Variants in TRIO observed in about 807,000 individuals in gnomAD.
TRIO encodes the protein triple functional domain protein.
A neutral mutation model predicts 351.9 loss-of-function variants in TRIO; 58 were observed. The ratio of observed to expected loss-of-function variants is 0.16; its 90% CI spans 0.13 to 0.21. The LOEUF (loss-of-function observed/expected upper bound fraction) is 0.21, where lower values mean the gene tolerates loss of function less well. TRIO is among the 10% of genes least tolerant of loss of function. TRIO has a pLI of 1.00. For synonymous variants in TRIO, 1,758 were observed against 1,595.7 expected (o/e 1.10, Z -2.42); for missense variants, 3,201 against 4,027.8 (o/e 0.79, Z 5.56).
At chr5:14,327,833 A>G (rs950611613) in intron 9 of TRIO, among the ~76,000 whole-genome samples, 1 of 152,212 alleles carries the variant, frequency 6.6e-6, no homozygotes, top group African/African-American at 2.4e-5. Context: ...CATTAAATGT[A>G]TCCATTCTCA....
In TRIO at chr5:14,487,638, G is replaced by T; in HGVS notation, c.7010G>T (p.Arg2337Leu). The part of the protein sequence containing the change: ...CGGAPSTSRS[R>L]PSRIPQPVRH... The stretch of plus-strand genomic sequence containing the variant: ...GGCGCCCCCAGCACGAGCAGGAGCC[G>T]GCCCTCCCGGATCCCCCAGCCTGTC... Residue 2337 changes from arginine to leucine, a missense_variant, in exon 48 of 57, where the codon CGG becomes CTG. By Grantham distance (102) the Arg-to-Leu change is moderately radical. This residue lies in a region of TRIO where 1,089 missense variants were observed against 954.9 expected (regional missense o/e 1.14). Coordinates refer to ENST00000344204, the MANE Select transcript of TRIO (RefSeq NM_007118.4). The T allele has an allele frequency of 1.6e-6, 2 of 1,246,178 alleles. No homozygotes were observed. Among genetic ancestry groups the T allele is most frequent in the Non-Finnish European group, 2.0e-6 (2 of 983,570 alleles). 77.2% of individuals were successfully genotyped at this position (1,246,178 alleles called of 1,614,324 possible).
chr5:14,205,064 A>G (rs919308963), intron 1 of TRIO, among the ~76,000 whole-genome samples: 11 of 152,198 alleles, frequency 7.2e-5, no homozygotes, highest in African/African-American at 2.7e-4. Context: ...ACAGAGGCCA[A>G]CATTTGTGGT....
At chr5:14,272,588 G>T (rs1198135979) in intron 2 of TRIO, among the ~76,000 whole-genome samples, 1 of 149,882 alleles carries the variant, frequency 6.7e-6, no homozygotes, top group Admixed American at 6.7e-5. Context: ...ATTCTGCAGG[G>T]TTACATAAAG....
intron 1 of TRIO, among the ~76,000 whole-genome samples, chr5:14,144,426 C>T (rs1787368029): frequency 6.6e-6 from 1 of 152,192 alleles, no homozygotes. Context: ...CTGTCATCTC[C>T]CCGGCCTTGG....
intron 31 of TRIO, 98 bp from the exon 32 acceptor site, chr5:14,405,750 A>G: frequency 4.2e-6 from 6 of 1,425,350 alleles, no homozygotes; most frequent in Non-Finnish European, 5.6e-6. Flanking sequence ...GTCATTTTGA[A>G]AATAGAAACT....
intron 1 of TRIO, among the ~76,000 whole-genome samples, chr5:14,170,074 G>A (rs760296035): frequency 6.6e-6 from 1 of 152,214 alleles, no homozygotes; most frequent in African/African-American, 2.4e-5. Flanking sequence ...GGCAGGCACC[G>A]AGGGAATTGA....
At chr5:14,183,190 C>T (rs1789898746) in intron 1 of TRIO, among the ~76,000 whole-genome samples, 1 of 152,150 alleles carries the variant, frequency 6.6e-6, no homozygotes, top group Non-Finnish European at 1.5e-5. Flanking sequence ...TGGACTTTTA[C>T]AGAAGCTACA....
At chr5:14,456,431 A>C (rs894716146) in intron 34 of TRIO, among the ~76,000 whole-genome samples, 1 of 152,248 alleles carries the variant, frequency 6.6e-6, no homozygotes, top group Non-Finnish European at 1.5e-5. Context: ...CAATGTGATC[A>C]TGAGCCGATT....
chr5:14,161,672 G>T (rs974323527), intron 1 of TRIO, among the ~76,000 whole-genome samples: 2 of 152,160 alleles, frequency 1.3e-5, no homozygotes, highest in Admixed American at 1.3e-4. Flanking sequence ...AATCCCTAGA[G>T]ATTCTGATTT....
In TRIO at chr5:14,508,172, A is replaced by G. The variant is rs2126724409; in HGVS notation, c.9044A>G (p.Tyr3015Cys). 6.2e-7 allele frequency: 1 copy of G among 1,614,100 alleles called. No homozygotes were observed. The highest frequency in any genetic ancestry group is 8.5e-7 in the Non-Finnish European group (1 of 1,180,014). Residue 3015 changes from tyrosine to cysteine, a missense_variant, in exon 57 of 57, where the codon TAC becomes TGC. This residue lies in a region of TRIO where 233 missense variants were observed against 292.6 expected (regional missense o/e 0.80). Coordinates refer to ENST00000344204, the MANE Select transcript of TRIO (RefSeq NM_007118.4). ...CRLDFSFPDD[Y>C]FKGVSQKAKE... ...TTAGACTTTAGCTTCCCAGATGACT[A>G]CTTTAAAGGAGTGAGCCAGAAGGCC... is the stretch of plus-strand genomic sequence containing the variant.
At chr5:14,430,216 C>CAAA (rs139833933) in intron 34 of TRIO, among the ~76,000 whole-genome samples, 1,870 of 118,314 alleles carry the variant, frequency 0.016, 43 homozygotes, top group African/African-American at 0.051. Context: ...ACCCAAATAG[C>CAAA]AAAAAAAAAA....
chr5:14,177,001 T>C (rs1789445102), intron 1 of TRIO, among the ~76,000 whole-genome samples: 1 of 152,214 alleles, frequency 6.6e-6, no homozygotes, highest in Non-Finnish European at 1.5e-5. Context: ...TTTATAAGAA[T>C]ATTCTTAGGT....
intron 1 of TRIO, among the ~76,000 whole-genome samples, chr5:14,268,173 A>G (rs1795794102): frequency 6.6e-6 from 1 of 152,210 alleles, no homozygotes; most frequent in African/African-American, 2.4e-5. Context: ...GAGGGAGTCC[A>G]TGACTCATAG....
In TRIO at chr5:14,487,357, C is replaced by T. The variant is rs1016994191; in HGVS notation, c.6836-107C>T. On this transcript the variant is annotated intron_variant, in intron 47 of 56. Transcript: ENST00000344204. ...GGTGGGGTTGCTCTGCGCCCCTGCA[C>T]GGGGTCTGCCCCATGACCCATCCCA... 9.4e-6 allele frequency: 10 copies of T among 1,058,776 alleles called. No individual in the cohort carries two copies. The African/African-American group carries it at 1.4e-4, about 14-fold the overall frequency. The allele number at this position is 1,058,776 out of a possible 1,614,324, so 65.6% of individuals were successfully genotyped here. A position where few individuals can be genotyped will look rare whatever the true frequency, so the allele number is the denominator to read the frequency against.
chr5:14,466,029 C>T (rs1466971540), intron 37 of TRIO: 2 of 242,058 alleles, frequency 8.3e-6, no homozygotes, highest in Non-Finnish European at 8.5e-6. Flanking sequence ...TGGGCTCAGA[C>T]GCATATGGCT....
chr5:14,488,043 C>A lies in TRIO; in HGVS notation c.7415C>A (p.Pro2472His). ...GCGGTCCCTTCTCTCGGCAAGGAGC[C>A]CTTCCCCCCCAGCAGCCCCCTGCAG... ...SSAVPSLGKEPFPPSSPLQKG... is the reference protein window; with the variant it reads ...SSAVPSLGKEHFPPSSPLQKG... The change falls in exon 48 of 57, where the codon CCC becomes CAC. Residue 2472 changes from proline to histidine, a missense_variant. Transcript: ENST00000344204. 6.2e-7 allele frequency: 1 copy of A among 1,607,950 alleles called. No individual in the cohort carries two copies.
chr5:14,394,635 C>A (rs56689214), intron 28 of TRIO, among the ~76,000 whole-genome samples: 15,709 of 152,178 alleles, frequency 0.1, 1,299 homozygotes, highest in African/African-American at 0.23. Flanking sequence ...GAGGCTTCCT[C>A]TGTCTTGTTG....
At chr5:14,293,267 A>C (rs1737063179) in intron 6 of TRIO, 133 bp downstream of exon 6, 1 of 1,248,928 alleles carries the variant, frequency 8.0e-7, no homozygotes, top group Non-Finnish European at 1.1e-6. Context: ...TGACCTTCAC[A>C]TGGAGGGTGT....
At chr5:14,151,081 C>G (rs1002970404) in intron 1 of TRIO, among the ~76,000 whole-genome samples, 5 of 152,132 alleles carry the variant, frequency 3.3e-5, no homozygotes, top group African/African-American at 1.2e-4. Context: ...CCTCACAGTT[C>G]CTGGTGCGAA....
Sources: gnomAD v4.1 joint callset for allele counts (sites outside exome capture counted in the v4.1 genomes callset) on GRCh38, gnomAD v4.1.1 for gene constraint, gnomAD v4.1.1 regional missense constraint, MANE v1.5 for transcripts, NCBI Gene and HGNC (gene_info 2026-07-23, HGNC 2026-07-21) for gene names.